The following ALPK3 variants were observed in gnomAD, a reference collection of about 807,000 sequenced individuals.
ALPK3 encodes the protein alpha-protein kinase 3.
Under a neutral mutation model 140.0 loss-of-function variants are expected in ALPK3, and 102 were observed. The observed-to-expected ratio is 0.73, with a 90% CI of 0.62 to 0.86. The LOEUF (loss-of-function observed/expected upper bound fraction) is 0.86. Ranked by LOEUF, ALPK3 falls within the 40% of genes least tolerant of loss-of-function variation. The pLI, the probability that ALPK3 is intolerant of heterozygous loss-of-function variation, is 0.00. For synonymous variants in ALPK3, 938 were observed against 898.5 expected (o/e 1.04, Z -0.79); for missense variants, 2,254 against 2,208.2 (o/e 1.02, Z -0.42).
intron 2 of ALPK3, among the ~76,000 whole-genome samples, chr15:84,825,632 A>G (rs548997079): frequency 9.2e-5 from 14 of 152,208 alleles, no homozygotes; most frequent in Non-Finnish European, 1.5e-4. Context: ...ATCCAGGCTC[A>G]AGGTCATGGA....
chr15:84,868,298 C>A lies in ALPK3; in HGVS notation c.4960C>A (p.Pro1654Thr). ...SAGRKGSQLS[P>T]QPQKKGLPSP... ...TGGCAGGAAAGGCTCCCAGCTGAGT[C>A]CTCAGCCCCAGAAGAAAGGCCTCCC... Residue 1654 changes from proline (P) to threonine (T), a missense_variant, in exon 14 of 14, where the codon CCT becomes ACT. Coordinates refer to ENST00000258888, the MANE Select transcript of ALPK3 (RefSeq NM_020778.5). 1 of 1,614,112 alleles carries A rather than the reference C, an allele frequency of 6.2e-7. No homozygotes were observed. Among genetic ancestry groups the A allele is most frequent in the African/African-American group, 1.3e-5 (1 of 75,040 alleles).
In ALPK3 at chr15:84,872,829, T is replaced by TA. The variant is rs1354222214; in HGVS notation, c.*4377dup. ...AGGTTCACAACATGCATCTAAGTGT[T>TA]AAAATAAGTTTTTCCTTCAAAAATA... On this transcript the variant is annotated 3_prime_UTR_variant, in exon 14 of 14. Transcript: ENST00000258888. 5 of 145,732 alleles carry TA rather than the reference T, an allele frequency of 3.4e-5. No individual in the cohort carries two copies. The highest frequency in any genetic ancestry group is 7.8e-5 in the Non-Finnish European group (5 of 64,186). 9.0% of individuals were successfully genotyped at this position (145,732 alleles called of 1,614,324 possible).
At chr15:84,828,074 T>C (rs1334065985) in intron 3 of ALPK3, among the ~76,000 whole-genome samples, 2 of 152,174 alleles carry the variant, frequency 1.3e-5, no homozygotes, top group Non-Finnish European at 2.9e-5. Context: ...CTCATCCCCT[T>C]TCCAATGATG....
chr15:84,850,914 A>ACACC (rs1434291716), intron 5 of ALPK3, among the ~76,000 whole-genome samples: 2 of 149,240 alleles, frequency 1.3e-5, no homozygotes, highest in Non-Finnish European at 3.0e-5. Context: ...ACACACACAC[A>ACACC]CCCTCTGTCA....
chr15:84,845,980 A>G (rs1242620398), intron 5 of ALPK3, among the ~76,000 whole-genome samples: 1 of 152,204 alleles, frequency 6.6e-6, no homozygotes, highest in Non-Finnish European at 1.5e-5. Context: ...GAATTGCTTG[A>G]ACCCGGGAAC....
At position 84,856,661 on chromosome 15, in the gene ALPK3, G is replaced by A. The variant is rs1963865229; in HGVS notation, c.1923G>A (p.Val641=). Residue 641 remains valine (V), a synonymous_variant, in exon 6 of 14, where the codon GTG becomes GTA. Transcript: ENST00000258888. The stretch of plus-strand genomic sequence containing the variant: ...CACGTGCAGATAGGAAGACGCAGGT[G>A]GATGCTGGGACACAAGAAAGCAAGA... ...QRTRADRKTQ[V]DAGTQESKRP... is the part of the protein sequence containing the mutation. The A allele has an allele frequency of 1.2e-6, 2 of 1,614,104 alleles. No individual in the cohort carries two copies. Among genetic ancestry groups the A allele is most frequent in the Non-Finnish European group, 8.5e-7 (1 of 1,180,032 alleles).
intron 3 of ALPK3, among the ~76,000 whole-genome samples, chr15:84,838,613 ATTATTATTATTATTATTATTATTAT>A (rs1466136170): frequency 1.5e-5 from 1 of 67,016 alleles, no homozygotes; most frequent in Non-Finnish European, 2.9e-5. Flanking sequence ...TATTATTATT[ATTATTATTATTATTATTATTATTAT>A]TGAGATGGAG....
rs755166503 is a variant in ALPK3 at position 84,859,820 on chromosome 15, C to T, written c.4010C>T (p.Ser1337Phe). ...GPAALAIVQA[S>F]PVDCGVYRCT... ...GCGGCCTTGGCCATCGTGCAGGCCTCCCCCGTAGACTGCGGTGTGTATCGG... is the reference window on the plus strand; with the variant it reads ...GCGGCCTTGGCCATCGTGCAGGCCTTCCCCGTAGACTGCGGTGTGTATCGG... The change falls in exon 8 of 14, where the codon TCC (serine) becomes TTC (phenylalanine). Residue 1337 changes from serine (S) to phenylalanine (F), a missense_variant. This residue lies in a region of ALPK3 where 2,088 missense variants were observed against 2,022.9 expected (regional missense o/e 1.03). Coordinates refer to ENST00000258888, the MANE Select transcript of ALPK3 (RefSeq NM_020778.5). The T allele has an allele frequency of 3.1e-6, 5 of 1,613,782 alleles. No individual in the cohort carries two copies. The highest frequency in any genetic ancestry group is 2.2e-5 in the East Asian group (1 of 44,882).
At chr15:84,823,239 T>A in intron 1 of ALPK3, 91 bp from the exon 2 acceptor site, 2 of 1,439,508 alleles carry the variant, frequency 1.4e-6, no homozygotes, top group Non-Finnish European at 2.0e-6. Context: ...GGGCCCCAGA[T>A]GGTGGCCGAT....
chr15:84,862,483 G>T (rs779694665), intron 9 of ALPK3, 152 bp from the exon 10 acceptor site: 3 of 874,278 alleles, frequency 3.4e-6, no homozygotes, highest in East Asian at 2.6e-5. Flanking sequence ...GTCTGGTGGG[G>T]ACTTAATGTG....
chr15:84,855,895 A>G (rs566844767), intron 5 of ALPK3, among the ~76,000 whole-genome samples: 2 of 152,180 alleles, frequency 1.3e-5, no homozygotes, highest in Non-Finnish European at 2.9e-5. Context: ...ATCCATTATT[A>G]TCACTCACTC....
intron 5 of ALPK3, among the ~76,000 whole-genome samples, chr15:84,846,331 A>T (rs1025812037): frequency 2.0e-5 from 3 of 152,252 alleles, no homozygotes; most frequent in Admixed American, 6.5e-5. Flanking sequence ...ACTTGCATGG[A>T]AAGACAATCA....
At chr15:84,829,118 C>T (rs1963518938) in intron 3 of ALPK3, among the ~76,000 whole-genome samples, 1 of 152,208 alleles carries the variant, frequency 6.6e-6, no homozygotes, top group African/African-American at 2.4e-5. Flanking sequence ...CTCAATTTGT[C>T]TTCCCAGAAG....
intron 13 of ALPK3, among the ~76,000 whole-genome samples, 197 bp downstream of exon 13, chr15:84,867,562 C>G (rs1285527315): frequency 2.0e-5 from 3 of 152,032 alleles, no homozygotes; most frequent in Admixed American, 6.5e-5. Flanking sequence ...GCAGCTATTA[C>G]TGATGCCACA....
intron 3 of ALPK3, among the ~76,000 whole-genome samples, chr15:84,836,048 G>A (rs1005132649): frequency 2.0e-5 from 3 of 152,232 alleles, no homozygotes; most frequent in African/African-American, 7.2e-5. Context: ...AAAAATAAAT[G>A]TAGTAAGAGG....
intron 3 of ALPK3, among the ~76,000 whole-genome samples, chr15:84,836,221 G>C (rs1257538295): frequency 6.6e-6 from 1 of 152,218 alleles, no homozygotes; most frequent in African/African-American, 2.4e-5. Context: ...AGCTGGGGGA[G>C]AGTGGAGGGA....
rs1963984722 is a variant in ALPK3, at chr15:84,864,678, G to A, written c.4723+13G>A. On this transcript the variant is annotated intron_variant, in intron 12 of 13. Coordinates refer to ENST00000258888, the MANE Select transcript of ALPK3 (RefSeq NM_020778.5). Reference sequence around the variant, plus strand: ...ACAGACTTGGCAGGTACGAGGGTGTGAGGGTGCACGGGTACGCATGTGCAT... The same window carrying A: ...ACAGACTTGGCAGGTACGAGGGTGTAAGGGTGCACGGGTACGCATGTGCAT... 6.2e-7 allele frequency: 1 copy of A among 1,612,286 alleles called. No individual in the cohort carries two copies. Among genetic ancestry groups the A allele is most frequent in the South Asian group, 1.1e-5 (1 of 91,036 alleles).
chr15:84,862,574 G>C, intron 9 of ALPK3, 61 bp from the exon 10 acceptor site: 1 of 1,531,584 alleles, frequency 6.5e-7, no homozygotes, highest in South Asian at 1.3e-5. Context: ...CCTTCCCTGT[G>C]AGCCCCACAT....
intron 1 of ALPK3, among the ~76,000 whole-genome samples, chr15:84,820,016 C>T (rs1963404836): frequency 6.6e-6 from 1 of 152,220 alleles, no homozygotes; most frequent in Non-Finnish European, 1.5e-5. Context: ...GCAGATAGTC[C>T]CACCAAACTG....
Sources: allele counts gnomAD v4.1 joint callset (sites outside exome capture counted in the v4.1 genomes callset), GRCh38; gene constraint gnomAD v4.1.1; regional missense constraint gnomAD v4.1.1; transcripts MANE v1.5; gene names NCBI Gene and HGNC (gene_info 2026-07-23, HGNC 2026-07-21).